The following SEZ6 variants were observed in gnomAD, a reference collection of about 807,000 sequenced individuals.
The protein encoded by SEZ6 is seizure related 6 homolog.
Under a neutral mutation model 101.0 loss-of-function variants are expected in SEZ6, and 53 were observed. That is an observed-to-expected ratio of 0.52 (90% CI 0.42 to 0.66). The LOEUF (loss-of-function observed/expected upper bound fraction) is 0.66, where lower values mean the gene tolerates loss of function less well. Among genes scored for constraint, SEZ6 ranks in the 30% least tolerant of loss-of-function variants. SEZ6 has a pLI of 0.00. For missense variants in SEZ6, 1,102 were observed against 1,289.4 expected (o/e 0.85, Z 2.23); for synonymous variants, 488 against 512.2 (o/e 0.95, Z 0.64).
intron 1 of SEZ6, among the ~76,000 whole-genome samples, chr17:28,993,130 T>C (rs1338832306): frequency 6.6e-6 from 1 of 151,976 alleles, no homozygotes; most frequent in Non-Finnish European, 1.5e-5. Context: ...GCATCACCCC[T>C]CACCAGTCTG....
At chr17:28,998,676 G>A (rs987340275) in intron 1 of SEZ6, among the ~76,000 whole-genome samples, 1 of 152,142 alleles carries the variant, frequency 6.6e-6, no homozygotes, top group African/African-American at 2.4e-5. Flanking sequence ...AGCCAGAGCT[G>A]TCCAGTGGCA....
In SEZ6 at chr17:28,996,729, A is replaced by G. The variant is rs139444954; in HGVS notation, c.55+9086T>C. 7.2e-5 allele frequency among the ~76,000 whole-genome samples: 11 copies of G among 152,240 alleles called. No homozygotes were observed. In the East Asian group the frequency reaches 2.1e-3, roughly 30 times the overall value. On this transcript the variant is annotated intron_variant, in intron 1 of 16. Coordinates refer to ENST00000317338, the MANE Select transcript of SEZ6 (RefSeq NM_178860.5). Reference sequence around the variant, plus strand: ...GAGCCAGGCAGAAATGCACGTAGACATGGCTACCAGCACAACTGGGGCTTC... The same window carrying G: ...GAGCCAGGCAGAAATGCACGTAGACGTGGCTACCAGCACAACTGGGGCTTC...
At chr17:28,975,963 AGACT>A (rs1443516200) in intron 3 of SEZ6, among the ~76,000 whole-genome samples, 8 of 152,158 alleles carry the variant, frequency 5.3e-5, no homozygotes, top group Non-Finnish European at 1.2e-4. Context: ...CCTCAGGGGG[AGACT>A]GACTGCCTGG....
chr17:28,977,241 C>G (rs2041232997), intron 3 of SEZ6, among the ~76,000 whole-genome samples: 1 of 152,230 alleles, frequency 6.6e-6, no homozygotes, highest in Non-Finnish European at 1.5e-5. Flanking sequence ...AGAACTGGCC[C>G]TGGAAGAAGA....
At chr17:28,982,172 C>T (rs900122090) in intron 1 of SEZ6, 133 bp from the exon 2 acceptor site, 12 of 1,409,256 alleles carry the variant, frequency 8.5e-6, no homozygotes, top group Admixed American at 5.8e-5. Flanking sequence ...CTGAGAATCA[C>T]GGAACTACAG....
In SEZ6 at chr17:28,960,828, A is replaced by G. The variant is rs775932353; in HGVS notation, c.1386T>C (p.Val462=). The change falls in exon 6 of 17, where the codon GTT becomes GTC. Residue 462 remains valine (V), a synonymous_variant. Transcript: ENST00000317338. ...ACCTGTCATCATCCTCTGCCAGGGA[A>G]ACCTTCTCAAAGTGCAGGTGTAGCC... ...GQRLHLHFEK[V]SLAEDDDRLI... 11 of 1,613,790 alleles carry G rather than the reference A, an allele frequency of 6.8e-6. No individual in the cohort carries two copies. Among genetic ancestry groups the G allele is most frequent in the Non-Finnish European group, 9.3e-6 (11 of 1,179,826 alleles).
At chr17:29,004,855 G>T (rs965759048) in intron 1 of SEZ6, among the ~76,000 whole-genome samples, 1 of 152,132 alleles carries the variant, frequency 6.6e-6, no homozygotes, top group Non-Finnish European at 1.5e-5. Flanking sequence ...CCCGAGGCAC[G>T]GAACCCCTAT....
At chr17:28,996,201 A>G (rs1367254222) in intron 1 of SEZ6, among the ~76,000 whole-genome samples, 1 of 151,692 alleles carries the variant, frequency 6.6e-6, no homozygotes, top group Non-Finnish European at 1.5e-5. Flanking sequence ...CTTATTTCCA[A>G]ATGGCTTAGG....
In SEZ6 at chr17:28,966,756, T is replaced by TAAAAAG. The variant is rs112484972; in HGVS notation, c.1055-2615_1055-2610dup. On this transcript the variant is annotated intron_variant, in intron 4 of 16. Coordinates refer to ENST00000317338, the MANE Select transcript of SEZ6 (RefSeq NM_178860.5). ...ATGGGCCCTCTTTCTTCCCCCCCAT[T>TAAAAAG]AAAAAGAAAAAGAAAAAGAAAAAGA... 1.3e-4 allele frequency among the ~76,000 whole-genome samples: 20 copies of TAAAAAG among 151,668 alleles called. 1 individual carries two copies. Among genetic ancestry groups the TAAAAAG allele is most frequent in the Middle Eastern group, 3.4e-3 (1 of 292 alleles).
intron 3 of SEZ6, among the ~76,000 whole-genome samples, chr17:28,978,958 G>A: frequency 6.6e-6 from 1 of 152,200 alleles, no homozygotes; most frequent in East Asian, 1.9e-4. Context: ...ACAGGGAAAG[G>A]CTAAGGAGAC....
At chr17:28,977,871 T>C (rs1463424062) in intron 3 of SEZ6, among the ~76,000 whole-genome samples, 1 of 152,220 alleles carries the variant, frequency 6.6e-6, no homozygotes, top group Non-Finnish European at 1.5e-5. Context: ...ATTACCTTAA[T>C]TAAGCGGTGC....
chr17:28,996,698 G>C (rs934188166), intron 1 of SEZ6, among the ~76,000 whole-genome samples: 1 of 152,122 alleles, frequency 6.6e-6, no homozygotes, highest in Admixed American at 6.5e-5. Context: ...TCAAGGACAG[G>C]TGAACGAGCC....
intron 3 of SEZ6, among the ~76,000 whole-genome samples, chr17:28,973,496 G>A (rs1057449664): frequency 6.6e-6 from 1 of 152,160 alleles, no homozygotes; most frequent in Non-Finnish European, 1.5e-5. Context: ...GGGAGGCATG[G>A]CCCTTTCAAG....
intron 3 of SEZ6, among the ~76,000 whole-genome samples, chr17:28,977,715 G>C (rs887900554): frequency 2.6e-5 from 4 of 152,036 alleles, no homozygotes. Context: ...GCTTGGGGGG[G>C]GCAGACAGAG....
chr17:28,979,905 G>GTT (rs1369571602), intron 2 of SEZ6, 92 bp from the exon 3 acceptor site: 6 of 1,312,856 alleles, frequency 4.6e-6, no homozygotes, highest in Admixed American at 2.6e-5. Flanking sequence ...GTGTGTGTGT[G>GTT]TGTGTGTGTG....
At chr17:28,979,879 CCGTG>C (rs1257011125) in intron 2 of SEZ6, 66 bp from the exon 3 acceptor site, 1 of 1,216,744 alleles carries the variant, frequency 8.2e-7, no homozygotes, top group Non-Finnish European at 1.1e-6. Flanking sequence ...TAAGGCTGAA[CCGTG>C]TGTGTGTGTG....
chr17:28,994,163 A>G (rs1041050489), intron 1 of SEZ6, among the ~76,000 whole-genome samples: 2 of 152,300 alleles, frequency 1.3e-5, no homozygotes, highest in Middle Eastern at 3.4e-3. Flanking sequence ...AGGCCTTATT[A>G]GAAGGCCTCG....
chr17:29,005,585 GA>G lies in SEZ6; in HGVS notation c.55+229del, dbSNP rs1439717019. ...GAAATCCCATTAGATCTGGGGAGAT[GA>G]TTAAAGACGAGGTCTCGGCCGGGCG... On this transcript the variant is annotated intron_variant, in intron 1 of 16. Coordinates refer to ENST00000317338, the MANE Select transcript of SEZ6 (RefSeq NM_178860.5). This position sits in a 1 kb window ranked among gnomAD's most constrained non-coding sequence, Gnocchi z 4.8. Among the ~76,000 whole-genome samples the G allele has an allele frequency of 6.6e-6, 1 of 152,018 alleles. No homozygotes were observed. Among genetic ancestry groups the G allele is most frequent in the East Asian group, 1.9e-4 (1 of 5,146 alleles).
rs1311137664 is a variant in SEZ6, at chr17:28,956,474, A to G, written c.2732-7T>C. The G allele has an allele frequency of 2.6e-6, 4 of 1,550,410 alleles. No homozygotes were observed. The highest frequency in any genetic ancestry group is 3.5e-6 in the Non-Finnish European group (4 of 1,147,718). On this transcript the variant is annotated splice_polypyrimidine_tract_variant and splice_region_variant and intron_variant, in intron 14 of 16. Transcript: ENST00000317338. ...GCAGCAGGTGCCTTGGCAACTGAAG[A>G]CACAGAGGGTGTGACTGGAGCAGAG...
Sources: gnomAD v4.1 joint callset for allele counts (sites outside exome capture counted in the v4.1 genomes callset) on GRCh38, gnomAD v4.1.1 for gene constraint, Gnocchi (gnomAD v3.1) non-coding constraint, MANE v1.5 for transcripts, NCBI Gene and HGNC (gene_info 2026-07-23, HGNC 2026-07-21) for gene names.